The following MAGI1 variants were observed in gnomAD, a reference collection of about 807,000 sequenced individuals.
The protein encoded by MAGI1 is membrane associated guanylate kinase, WW and PDZ domain containing 1.
In MAGI1, 58 loss-of-function variants were observed where a neutral mutation model predicts 139.9. The ratio of observed to expected loss-of-function variants is 0.41; its 90% CI spans 0.34 to 0.52. MAGI1 has a LOEUF of 0.52. Among genes scored for constraint, MAGI1 ranks in the 20% least tolerant of loss-of-function variants. The probability of loss-of-function intolerance (pLI) is 0.12; values close to 1 mark genes in which losing one functional copy is unlikely to be tolerated. For synonymous variants in MAGI1, 812 were observed against 737.9 expected (o/e 1.10, Z -1.63); for missense variants, 1,874 against 1,901.6 (o/e 0.99, Z 0.27).
chr3:65,759,081 AAAAAAAAAAAAAAAT>A (rs1426646601), intron 1 of MAGI1, among the ~76,000 whole-genome samples: 1 of 151,142 alleles, frequency 6.6e-6, no homozygotes, highest in African/African-American at 2.4e-5. Context: ...AAAAAAAAAA[AAAAAAAAAAAAAAAT>A]GGAAAGTGAA....
chr3:65,995,235 T>G (rs780110405), intron 1 of MAGI1, among the ~76,000 whole-genome samples: 4 of 152,158 alleles, frequency 2.6e-5, no homozygotes, highest in Non-Finnish European at 4.4e-5. Context: ...ATAAAGGTGC[T>G]GAGATAAGCA....
intron 1 of MAGI1, among the ~76,000 whole-genome samples, chr3:65,690,771 G>GCCTCCCAAT (rs1559790310): frequency 5.3e-5 from 8 of 150,934 alleles, no homozygotes; most frequent in African/African-American, 9.7e-5. Context: ...TGGGATTACA[G>GCCTCCCAAT]GCATGAGCCA....
chr3:65,662,576 T>C (rs1465972973), intron 1 of MAGI1, among the ~76,000 whole-genome samples: 1 of 152,238 alleles, frequency 6.6e-6, no homozygotes, highest in Non-Finnish European at 1.5e-5. Flanking sequence ...TTGTATGTTC[T>C]AATGATGTTT....
At chr3:65,518,366 C>A (rs953382618) in intron 2 of MAGI1, among the ~76,000 whole-genome samples, 2 of 152,176 alleles carry the variant, frequency 1.3e-5, no homozygotes, top group Non-Finnish European at 1.5e-5. Flanking sequence ...AGAATTGTGT[C>A]TGTCCCACTA....
chr3:65,473,991 C>T (rs1352739351), intron 4 of MAGI1, among the ~76,000 whole-genome samples: 2 of 152,130 alleles, frequency 1.3e-5, no homozygotes, highest in African/African-American at 4.8e-5. Flanking sequence ...TTTTGTTGGG[C>T]ATGGTGGCAT....
chr3:65,526,901 G>A (rs2078410229), intron 2 of MAGI1, among the ~76,000 whole-genome samples: 1 of 152,156 alleles, frequency 6.6e-6, no homozygotes, highest in Non-Finnish European at 1.5e-5. Context: ...TAACTCCTGG[G>A]ACCTTCAAAG....
At chr3:65,886,048 A>G (rs2060518948) in intron 1 of MAGI1, among the ~76,000 whole-genome samples, 1 of 152,224 alleles carries the variant, frequency 6.6e-6, no homozygotes. Context: ...AAACAAGTAT[A>G]ACTGAAAGCA....
intron 1 of MAGI1, among the ~76,000 whole-genome samples, chr3:65,684,002 A>C (rs1250629415): frequency 6.6e-5 from 7 of 106,116 alleles, no homozygotes; most frequent in African/African-American, 3.0e-4. Flanking sequence ...CCATGTCTAC[A>C]AAAAAAAAAA....
At chr3:65,470,153 C>T (rs1559583489) in intron 5 of MAGI1, 130 bp downstream of exon 5, 2 of 619,792 alleles carry the variant, frequency 3.2e-6, no homozygotes, top group African/African-American at 1.8e-5. Context: ...ACTTATTAAA[C>T]CTTATTAAAA....
intron 1 of MAGI1, among the ~76,000 whole-genome samples, chr3:65,955,764 A>T (rs1490191936): frequency 6.6e-6 from 1 of 152,080 alleles, no homozygotes; most frequent in East Asian, 1.9e-4. Flanking sequence ...ACAACCATGG[A>T]TCTTCTACAA....
At chr3:65,656,586 C>G (rs148455957) in intron 1 of MAGI1, among the ~76,000 whole-genome samples, 3 of 132,974 alleles carry the variant, frequency 2.3e-5, no homozygotes, top group African/African-American at 4.9e-5. Flanking sequence ...TTAGAGCAAA[C>G]TTCTTACTCC....
chr3:65,926,663 G>C (rs1278095246), intron 1 of MAGI1, among the ~76,000 whole-genome samples: 1 of 152,128 alleles, frequency 6.6e-6, no homozygotes, highest in African/African-American at 2.4e-5. Flanking sequence ...TAACATGACA[G>C]TTTACAAATG....
intron 2 of MAGI1, among the ~76,000 whole-genome samples, chr3:65,604,883 T>C (rs1917530): frequency 0.012 from 1,828 of 152,292 alleles, 25 homozygotes; most frequent in African/African-American, 0.041. Flanking sequence ...CTTAATGTGT[T>C]ACTATTTAGC....
rs746945278 is a variant in MAGI1 at position 65,356,366 on chromosome 3, T to C, written c.*12A>G. The C allele has an allele frequency of 3.8e-6, 6 of 1,560,006 alleles. No individual in the cohort carries two copies. The Admixed American group carries it at 1.2e-4, about 31-fold the overall frequency. On this transcript the variant is annotated 3_prime_UTR_variant, in exon 23 of 23. Transcript: ENST00000402939. The stretch of plus-strand genomic sequence containing the variant: ...CTTTGACACGGTAAAGGTTGGAATG[T>C]GACTCAGCGTCTCAGATACTGAGGT...
intron 2 of MAGI1, among the ~76,000 whole-genome samples, chr3:65,549,776 G>A (rs557369947): frequency 4.1e-4 from 63 of 152,208 alleles, no homozygotes; most frequent in African/African-American, 1.5e-3. Flanking sequence ...TGGGTAGCCA[G>A]GGTAAGAGGG....
intron 4 of MAGI1, among the ~76,000 whole-genome samples, chr3:65,477,712 T>TTATTATTATTA (rs72137110): frequency 3.4e-5 from 3 of 88,670 alleles, no homozygotes; most frequent in African/African-American, 1.4e-4. Flanking sequence ...ATTATTATTA[T>TTATTATTATTA]TTTTTTTTTT....
chr3:65,762,185 A>T (rs2037087993), intron 1 of MAGI1, among the ~76,000 whole-genome samples: 1 of 152,166 alleles, frequency 6.6e-6, no homozygotes, highest in African/African-American at 2.4e-5. Flanking sequence ...CAGTCTATGA[A>T]CAATCACAGC....
intron 1 of MAGI1, among the ~76,000 whole-genome samples, chr3:65,754,932 A>G (rs1326125299): frequency 6.6e-6 from 1 of 151,702 alleles, no homozygotes; most frequent in Non-Finnish European, 1.5e-5. Flanking sequence ...CACAAATAGT[A>G]TATTTATTTA....
chr3:65,839,618 G>A (rs1043087142), intron 1 of MAGI1, among the ~76,000 whole-genome samples: 2 of 152,192 alleles, frequency 1.3e-5, no homozygotes, highest in African/African-American at 2.4e-5. Flanking sequence ...GATCAGAGAT[G>A]TAAATGTAAA....
Sources: allele counts gnomAD v4.1 joint callset (sites outside exome capture counted in the v4.1 genomes callset), GRCh38; gene constraint gnomAD v4.1.1; transcripts MANE v1.5; gene names NCBI Gene and HGNC (gene_info 2026-07-23, HGNC 2026-07-21).